The following SOCS5 variants were observed in gnomAD, a reference collection of about 807,000 sequenced individuals.
SOCS5 encodes CIS-6.
SOCS5 carries 32 observed loss-of-function variants against 42.8 expected under a neutral mutation model. The observed-to-expected ratio is 0.75, with a 90% CI of 0.56 to 1.01. The LOEUF is 1.01. Among genes scored for constraint, SOCS5 ranks in the 50% least tolerant of loss-of-function variants. The pLI is 0.00. For synonymous variants in SOCS5, 283 were observed against 229.6 expected, an observed-to-expected ratio of 1.23 and a Z score of -2.10; for missense variants, 627 against 653.0, an observed-to-expected ratio of 0.96 and a Z score of 0.43.
chr2:46,716,789 A>G lies in SOCS5; in HGVS notation c.-13+17340A>G, dbSNP rs1672755495. ...CTGTGCTTGGCCAATTTTATGAATC[A>G]ACTTGAACTTTCAAGTTTTGTTTTC... On this transcript the variant is annotated intron_variant, in intron 1 of 1. Coordinates refer to ENST00000394861, the MANE Select transcript of SOCS5 (RefSeq NM_144949.3). 2.0e-5 allele frequency among the ~76,000 whole-genome samples: 3 copies of G among 152,274 alleles called. No individual in the cohort carries two copies. The South Asian group carries it at 6.2e-4, about 32-fold the overall frequency.
chr2:46,759,120 A>G lies in SOCS5; in HGVS notation c.590A>G (p.Gln197Arg). The change falls in exon 2 of 2, where the codon CAG becomes CGG. Residue 197 changes from glutamine (Q) to arginine (R), a missense_variant. Gln to Arg is a conservative substitution (Grantham distance 43). Coordinates refer to ENST00000394861, the MANE Select transcript of SOCS5 (RefSeq NM_144949.3). ...LCFPMRTYSKQSKPLFSNKRK... is the reference protein window; with the variant it reads ...LCFPMRTYSKRSKPLFSNKRK... Reference sequence around the variant, plus strand: ...TTTCCCATGAGAACTTACAGCAAGCAGTCAAAGCCTCTCTTTTCCAATAAA... The same window carrying G: ...TTTCCCATGAGAACTTACAGCAAGCGGTCAAAGCCTCTCTTTTCCAATAAA... 6.2e-7 allele frequency: 1 copy of G among 1,614,026 alleles called. No homozygotes were observed. The highest frequency in any genetic ancestry group is 8.5e-7 in the Non-Finnish European group (1 of 1,179,858).
chr2:46,749,811 A>G (rs1003964317), intron 1 of SOCS5, among the ~76,000 whole-genome samples: 1 of 152,202 alleles, frequency 6.6e-6, no homozygotes, highest in Non-Finnish European at 1.5e-5. Flanking sequence ...ATAATATGGA[A>G]GTTGGAGTCA....
chr2:46,745,654 A>G (rs995487756), intron 1 of SOCS5, among the ~76,000 whole-genome samples: 3 of 152,192 alleles, frequency 2.0e-5, no homozygotes, highest in Non-Finnish European at 4.4e-5. Context: ...GAGGTTAGCT[A>G]ATTGAGTTGC....
At chr2:46,728,451 ATAT>A (rs1673043330) in intron 1 of SOCS5, among the ~76,000 whole-genome samples, 1 of 152,148 alleles carries the variant, frequency 6.6e-6, no homozygotes, top group Non-Finnish European at 1.5e-5. Flanking sequence ...CTTATTACAT[ATAT>A]TATTTGTTTA....
intron 1 of SOCS5, among the ~76,000 whole-genome samples, chr2:46,734,539 C>G (rs1194863874): frequency 6.6e-6 from 1 of 152,186 alleles, no homozygotes. Flanking sequence ...TTAATCTAGC[C>G]ATTACCGAAG....
In SOCS5 at chr2:46,761,016, A is replaced by G. The variant is rs1241322536; in HGVS notation, c.*875A>G. The G allele has an allele frequency of 6.0e-6, 1 of 167,116 alleles. No individual in the cohort carries two copies. The highest frequency in any genetic ancestry group is 1.5e-5 in the Non-Finnish European group (1 of 68,118). 10.4% of individuals were successfully genotyped at this position (167,116 alleles called of 1,614,324 possible). ...AAGACGCCCAAACAAGTCAGATAAT[A>G]GTAACTACAATGGTTGCTGATGTTG... On this transcript the variant is annotated 3_prime_UTR_variant, in exon 2 of 2. Coordinates refer to ENST00000394861, the MANE Select transcript of SOCS5 (RefSeq NM_144949.3).
rs1673079999 is a variant in SOCS5 at position 46,729,949 on chromosome 2, CT to C, written c.-12-28564del. ...TTTCTTTATATCCTTATTCTATAAGCTTTTTTCTGTTTTTAAATTTTTAGCT... is the reference window on the plus strand; with the variant it reads ...TTTCTTTATATCCTTATTCTATAAGCTTTTTCTGTTTTTAAATTTTTAGCT... On this transcript the variant is annotated intron_variant, in intron 1 of 1. Coordinates refer to ENST00000394861, the MANE Select transcript of SOCS5 (RefSeq NM_144949.3). Among the ~76,000 whole-genome samples, 4 of 152,080 alleles carry C rather than the reference CT, an allele frequency of 2.6e-5. 1 individual carries two copies. Among genetic ancestry groups the C allele is most frequent in the Admixed American group, 2.6e-4 (4 of 15,260 alleles).
In SOCS5 at chr2:46,757,329, C is replaced by T. The variant is rs897426281; in HGVS notation, c.-12-1190C>T. On this transcript the variant is annotated intron_variant, in intron 1 of 1. Coordinates refer to ENST00000394861, the MANE Select transcript of SOCS5 (RefSeq NM_144949.3). Reference sequence around the variant, plus strand: ...ATTTTAAGTTTAGGTTTTTCCATTTCTTCTAATGTTGACTTTTAGCTACTG... The same window carrying T: ...ATTTTAAGTTTAGGTTTTTCCATTTTTTCTAATGTTGACTTTTAGCTACTG... 7.9e-5 allele frequency among the ~76,000 whole-genome samples: 12 copies of T among 152,246 alleles called. No homozygotes were observed. In the East Asian group the frequency reaches 2.1e-3, roughly 27 times the overall value.
intron 1 of SOCS5, among the ~76,000 whole-genome samples, chr2:46,722,591 T>C (rs1341331839): frequency 2.6e-5 from 4 of 152,178 alleles, no homozygotes; most frequent in African/African-American, 9.6e-5. Flanking sequence ...TTGAAGGACA[T>C]ATGGGTTATT....
chr2:46,729,629 G>A (rs902501041), intron 1 of SOCS5, among the ~76,000 whole-genome samples: 5 of 152,150 alleles, frequency 3.3e-5, no homozygotes, highest in Non-Finnish European at 7.3e-5. Context: ...CACCTGTATA[G>A]GGCACTTGTT....
intron 1 of SOCS5, among the ~76,000 whole-genome samples, chr2:46,735,972 C>G (rs547420383): frequency 6.6e-6 from 1 of 151,972 alleles, no homozygotes; most frequent in African/African-American, 2.4e-5. Context: ...ATAAAATTTG[C>G]CATTTTAACC....
At chr2:46,726,986 T>C (rs1673008588) in intron 1 of SOCS5, among the ~76,000 whole-genome samples, 1 of 151,714 alleles carries the variant, frequency 6.6e-6, no homozygotes, top group Admixed American at 6.6e-5. Context: ...GAACTCCCGA[T>C]CTCAGGTGAT....
At chr2:46,707,223 C>A (rs528598832) in intron 1 of SOCS5, among the ~76,000 whole-genome samples, 1 of 152,106 alleles carries the variant, frequency 6.6e-6, no homozygotes, top group Non-Finnish European at 1.5e-5. Flanking sequence ...ACATCTATAA[C>A]GGAAGAATTT....
chr2:46,748,275 T>A (rs761765072), intron 1 of SOCS5, among the ~76,000 whole-genome samples: 1 of 149,662 alleles, frequency 6.7e-6, no homozygotes, highest in Non-Finnish European at 1.5e-5. Context: ...AGCCTCAGCC[T>A]CCCAGGTTCC....
At chr2:46,714,102 T>C (rs1265725386) in intron 1 of SOCS5, among the ~76,000 whole-genome samples, 1 of 152,202 alleles carries the variant, frequency 6.6e-6, no homozygotes, top group Non-Finnish European at 1.5e-5. Context: ...AATGTATACT[T>C]GAAAAGAATG....
At chr2:46,711,328 T>C (rs773158697) in intron 1 of SOCS5, among the ~76,000 whole-genome samples, 3 of 152,232 alleles carry the variant, frequency 2.0e-5, no homozygotes, top group African/African-American at 4.8e-5. Context: ...TTAGTCATCT[T>C]ACTGGGATAT....
chr2:46,722,406 A>T (rs1429226658), intron 1 of SOCS5, among the ~76,000 whole-genome samples: 1 of 152,094 alleles, frequency 6.6e-6, no homozygotes, highest in South Asian at 2.1e-4. Context: ...AACTTGAGGT[A>T]TATGTAGGCC....
intron 1 of SOCS5, among the ~76,000 whole-genome samples, chr2:46,746,602 G>C (rs1289282331): frequency 6.6e-6 from 1 of 150,788 alleles, no homozygotes; most frequent in Non-Finnish European, 1.5e-5. Context: ...AGTGAGCCGA[G>C]ATTGCACCAC....
chr2:46,744,033 A>G (rs1231256557), intron 1 of SOCS5, among the ~76,000 whole-genome samples: 4 of 151,696 alleles, frequency 2.6e-5, no homozygotes, highest in Non-Finnish European at 5.9e-5. Flanking sequence ...TCTGTCCACC[A>G]GGCTAGAGTG....
Sources: allele counts gnomAD v4.1 joint callset (sites outside exome capture counted in the v4.1 genomes callset), GRCh38; gene constraint gnomAD v4.1.1; transcripts MANE v1.5; gene names NCBI Gene and HGNC (gene_info 2026-07-23, HGNC 2026-07-21).